AGBL1: variants seen among roughly 807,000 people sequenced by gnomAD.
AGBL1 encodes the protein cytosolic carboxypeptidase 4.
Under a neutral mutation model 118.9 loss-of-function variants are expected in AGBL1, and 130 were observed. The observed-to-expected ratio is 1.09, with a 90% confidence interval of 0.95 to 1.26. AGBL1 has a LOEUF of 1.26. Ranked by LOEUF, AGBL1 falls within the 50% of genes most tolerant of loss-of-function variation. AGBL1 has a pLI of 0.00. For synonymous variants in AGBL1, 555 were observed against 478.9 expected, an observed-to-expected ratio of 1.16 and a Z score of -2.08; for missense variants, 1,584 against 1,298.1, an observed-to-expected ratio of 1.22 and a Z score of -3.38.
rs890627008 is a variant in AGBL1, at chr15:86,613,702, A to G, written c.2994+59165A>G. Among the ~76,000 whole-genome samples, 1 of 152,196 alleles carries G rather than the reference A, an allele frequency of 6.6e-6. No homozygotes were observed. The highest frequency in any genetic ancestry group is 2.4e-5 in the African/African-American group (1 of 41,462). On this transcript the variant is annotated intron_variant, in intron 21 of 22. Transcript: ENST00000614907. The surrounding 1 kb of genome is among the most constrained non-coding windows in gnomAD (Gnocchi z 4.2). Reference sequence around the variant, plus strand: ...AGGGATGAAAACAAATGTTGGTTAAAGCCCAAGCTCTGCTACTCCAAGTAG... The same window carrying G: ...AGGGATGAAAACAAATGTTGGTTAAGGCCCAAGCTCTGCTACTCCAAGTAG...
At chr15:86,439,177 C>G (rs918937644) in intron 18 of AGBL1, among the ~76,000 whole-genome samples, 2 of 152,036 alleles carry the variant, frequency 1.3e-5, no homozygotes, top group African/African-American at 4.8e-5. Flanking sequence ...GAATGTAAAA[C>G]TTGTGTTGCT....
intron 22 of AGBL1, among the ~76,000 whole-genome samples, chr15:86,845,024 TTTGA>T (rs535093559): frequency 3.3e-5 from 5 of 152,276 alleles, no homozygotes; most frequent in South Asian, 2.1e-4. Context: ...TATTCTAATC[TTTGA>T]TTGGTCTACA....
intron 23 of AGBL1, among the ~76,000 whole-genome samples, chr15:86,963,468 T>C (rs997943667): frequency 6.6e-6 from 1 of 152,016 alleles, no homozygotes; most frequent in Non-Finnish European, 1.5e-5. Flanking sequence ...AACTTTCCAA[T>C]CAAAGGGAAC....
At chr15:86,280,906 T>C (rs1402316646) in intron 16 of AGBL1, among the ~76,000 whole-genome samples, 1 of 152,230 alleles carries the variant, frequency 6.6e-6, no homozygotes, top group Non-Finnish European at 1.5e-5. Context: ...ACTAGTATTA[T>C]TTGTGTATCA....
At chr15:86,247,577 A>G in intron 6 of AGBL1, 94 bp from the exon 7 acceptor site, 2 of 1,252,996 alleles carry the variant, frequency 1.6e-6, no homozygotes, top group South Asian at 1.3e-5. Context: ...CTTGATGATT[A>G]ATAAGTATCT....
At chr15:86,523,552 C>T (rs75101311) in intron 19 of AGBL1, among the ~76,000 whole-genome samples, 8 of 152,096 alleles carry the variant, frequency 5.3e-5, no homozygotes, top group Non-Finnish European at 1.0e-4. Flanking sequence ...GCGTAGTAGT[C>T]ATTGGTAAAA....
At chr15:86,967,369 G>C (rs2081065404) in intron 23 of AGBL1, among the ~76,000 whole-genome samples, 1 of 152,068 alleles carries the variant, frequency 6.6e-6, no homozygotes, top group Non-Finnish European at 1.5e-5. Context: ...TGTTGCCATT[G>C]CTTTTGGTGT....
intron 24 of AGBL1, among the ~76,000 whole-genome samples, chr15:86,996,030 A>AT (rs1350503419): frequency 6.6e-6 from 1 of 151,972 alleles, no homozygotes; most frequent in South Asian, 2.1e-4. Context: ...GTATTTTATC[A>AT]TTTTTTACCC....
At chr15:86,100,036 T>A (rs1896619255) in intron 1 of AGBL1, among the ~76,000 whole-genome samples, 1 of 152,176 alleles carries the variant, frequency 6.6e-6, no homozygotes, top group African/African-American at 2.4e-5. Flanking sequence ...GTTTTTTTTT[T>A]AATCATGAAG....
In AGBL1 at chr15:86,980,885, C is replaced by CTTTTTTTTTTT. The variant is rs36077192; in HGVS notation, c.3222-7093_3222-7083dup. Reference sequence around the variant, plus strand: ...ATATAAATAGTGCTTCAGAAACATCCTTTTTTTTTTTTTTTTTTTGAGACA... The same window carrying CTTTTTTTTTTT: ...ATATAAATAGTGCTTCAGAAACATCCTTTTTTTTTTTTTTTTTTTTTTTTTTTTTTGAGACA... On this transcript the variant is annotated intron_variant, in intron 23 of 24. Coordinates refer to the AGBL1 transcript ENST00000441037. Among the ~76,000 whole-genome samples, 55 of 118,996 alleles carry CTTTTTTTTTTT rather than the reference C, an allele frequency of 4.6e-4. 2 individuals are homozygous for CTTTTTTTTTTT. Among genetic ancestry groups the CTTTTTTTTTTT allele is most frequent in the African/African-American group, 6.7e-4 (20 of 29,990 alleles). 78.1% of individuals were successfully genotyped at this position (118,996 alleles called of 152,430 possible).
At chr15:86,937,222 A>G (rs2141646665) in intron 23 of AGBL1, among the ~76,000 whole-genome samples, 1 of 152,342 alleles carries the variant, frequency 6.6e-6, no homozygotes, top group South Asian at 2.1e-4. Flanking sequence ...AATTAGTTCA[A>G]CAATTGTGGA....
intron 18 of AGBL1, among the ~76,000 whole-genome samples, chr15:86,418,025 T>C (rs979351466): frequency 4.6e-5 from 7 of 152,188 alleles, no homozygotes; most frequent in Non-Finnish European, 2.9e-5. Context: ...GATCAAGTCT[T>C]GAATCACACT....
chr15:86,468,636 G>A (rs983100221), intron 18 of AGBL1, among the ~76,000 whole-genome samples: 2 of 152,012 alleles, frequency 1.3e-5, no homozygotes, highest in African/African-American at 4.8e-5. Flanking sequence ...GATTTAAATT[G>A]GACTAAACAC....
intron 18 of AGBL1, among the ~76,000 whole-genome samples, chr15:86,498,778 A>G (rs1201973121): frequency 3.9e-5 from 6 of 151,950 alleles, no homozygotes; most frequent in Non-Finnish European, 7.4e-5. Flanking sequence ...TTGACATTTT[A>G]TATAAAACTA....
intron 22 of AGBL1, among the ~76,000 whole-genome samples, chr15:86,892,761 C>A (rs1421317537): frequency 6.6e-6 from 1 of 152,056 alleles, no homozygotes; most frequent in East Asian, 1.9e-4. Flanking sequence ...GAAAAAAAAA[C>A]CGGAGAGTAA....
At chr15:86,836,445 A>G (rs2079172553) in intron 22 of AGBL1, among the ~76,000 whole-genome samples, 1 of 152,182 alleles carries the variant, frequency 6.6e-6, no homozygotes, top group South Asian at 2.1e-4. Flanking sequence ...AATGGATGAA[A>G]GAAATACTCC....
intron 24 of AGBL1, among the ~76,000 whole-genome samples, chr15:87,015,882 C>T (rs993593452): frequency 4.6e-5 from 7 of 152,070 alleles, no homozygotes; most frequent in Admixed American, 3.9e-4. Context: ...AGGTATACTA[C>T]CTTAGAATGA....
chr15:86,132,253 A>G (rs1238868747), intron 1 of AGBL1, among the ~76,000 whole-genome samples: 1 of 152,160 alleles, frequency 6.6e-6, no homozygotes, highest in African/African-American at 2.4e-5. Context: ...GCATCTCCCC[A>G]GTGTTTTTGG....
intron 22 of AGBL1, among the ~76,000 whole-genome samples, chr15:86,856,088 G>C (rs775851833): frequency 2.0e-5 from 3 of 152,180 alleles, no homozygotes; most frequent in Non-Finnish European, 4.4e-5. Context: ...AGTGTGGATG[G>C]GCTCTGACTT....
Sources: gnomAD v4.1 joint callset for allele counts (sites outside exome capture counted in the v4.1 genomes callset) on GRCh38, gnomAD v4.1.1 for gene constraint, Gnocchi (gnomAD v3.1) non-coding constraint, MANE v1.5 for transcripts, NCBI Gene and HGNC (gene_info 2026-07-23, HGNC 2026-07-21) for gene names.